Variants in ERICH6B observed in about 807,000 individuals in gnomAD.
ERICH6B encodes glutamate rich 6B.
ERICH6B carries 69 observed loss-of-function variants against 80.0 expected under a neutral mutation model. The ratio of observed to expected loss-of-function variants is 0.86; its 90% CI spans 0.71 to 1.05. The LOEUF is 1.05. ERICH6B is among the 50% of genes least tolerant of loss of function. The probability of loss-of-function intolerance (pLI) is 0.00; values close to 1 mark genes in which losing one functional copy is unlikely to be tolerated. For missense variants in ERICH6B, 754 were observed against 796.1 expected (o/e 0.95, Z 0.64); for synonymous variants, 283 against 291.9 (o/e 0.97, Z 0.31).
intron 8 of ERICH6B, among the ~76,000 whole-genome samples, chr13:45,572,453 C>T (rs1452178945): frequency 1.3e-5 from 2 of 152,188 alleles, no homozygotes; most frequent in Non-Finnish European, 2.9e-5. Context: ...GGCTAGATCT[C>T]CTACGCCATA....
intron 2 of ERICH6B, 56 bp from the exon 3 acceptor site, chr13:45,597,119 A>G (rs1256357124): frequency 8.4e-7 from 1 of 1,192,420 alleles, no homozygotes; most frequent in Non-Finnish European, 1.2e-6. Flanking sequence ...ATGCATATTG[A>G]TTTAATTCCA....
intron 9 of ERICH6B, among the ~76,000 whole-genome samples, chr13:45,566,721 C>T (rs551202222): frequency 5.9e-5 from 9 of 152,328 alleles, no homozygotes; most frequent in African/African-American, 1.2e-4. Context: ...GCTGTAGGGG[C>T]GGGGTCCTCA....
chr13:45,596,888 CA>C lies in ERICH6B; in HGVS notation c.117del (p.Asp39GlufsTer42). 2.6e-6 allele frequency: 4 copies of C among 1,551,852 alleles called. No individual in the cohort carries two copies. Among genetic ancestry groups the C allele is most frequent in the Non-Finnish European group, 3.5e-6 (4 of 1,147,020 alleles). ...SEKEDTEVELDEESLQDESPF... is the reference protein window; with the variant it reads ...SEKEDTEVELXEESLQDESPF... ...GGAGATTCATCCTGTAGACTTTCCTCATCTAGTTCTACTTCAGTATCCTCTT... is the reference window on the plus strand; with the variant it reads ...GGAGATTCATCCTGTAGACTTTCCTCTCTAGTTCTACTTCAGTATCCTCTT... On this transcript the variant is annotated frameshift_variant, in exon 3 of 15. Coordinates refer to ENST00000298738, the MANE Select transcript of ERICH6B (RefSeq NM_182542.3). LOFTEE classifies it high-confidence loss of function.
chr13:45,559,328 A>G (rs887969087), intron 11 of ERICH6B, among the ~76,000 whole-genome samples: 4 of 151,898 alleles, frequency 2.6e-5, no homozygotes, highest in East Asian at 1.9e-4. Context: ...GGGTCTATCA[A>G]TTTTATTTAT....
At chr13:45,608,925 AAGCTTGG>A (rs1487931143) in intron 1 of ERICH6B, among the ~76,000 whole-genome samples, 1 of 152,194 alleles carries the variant, frequency 6.6e-6, no homozygotes, top group Non-Finnish European at 1.5e-5. Flanking sequence ...TCAGATGAAG[AAGCTTGG>A]AGTCACCCAT....
At chr13:45,542,382 G>A (rs560627031) in intron 14 of ERICH6B, among the ~76,000 whole-genome samples, 6 of 152,334 alleles carry the variant, frequency 3.9e-5, no homozygotes, top group African/African-American at 7.2e-5. Flanking sequence ...GCATGGAGGC[G>A]CCTGTTCTTC....
chr13:45,553,533 A>G lies in ERICH6B; in HGVS notation c.1408-3217T>C, dbSNP rs149821772. On this transcript the variant is annotated intron_variant, in intron 11 of 14. Coordinates refer to ENST00000298738, the MANE Select transcript of ERICH6B (RefSeq NM_182542.3). ...AGCACTCCTCAAGGTGACAATGATC[A>G]TATAACCAACATACAGTGGCTGTTT... Among the ~76,000 whole-genome samples, 23 of 152,366 alleles carry G rather than the reference A, an allele frequency of 1.5e-4. No homozygotes were observed. The East Asian group carries it at 4.4e-3, about 29-fold the overall frequency.
intron 1 of ERICH6B, among the ~76,000 whole-genome samples, chr13:45,613,704 C>T (rs1219568841): frequency 6.6e-6 from 1 of 152,154 alleles, no homozygotes; most frequent in African/African-American, 2.4e-5. Context: ...GGCACAGATG[C>T]CTGGTTCCAC....
At chr13:45,542,659 C>A (rs1873829376) in intron 14 of ERICH6B, among the ~76,000 whole-genome samples, 1 of 152,214 alleles carries the variant, frequency 6.6e-6, no homozygotes, top group African/African-American at 2.4e-5. Flanking sequence ...GTGCCCCAGG[C>A]CCTCATGCTG....
At chr13:45,574,230 T>C (rs942892) in intron 8 of ERICH6B, among the ~76,000 whole-genome samples, 152,322 of 152,324 alleles carry the variant, frequency 1, 76,160 homozygotes, top group Non-Finnish European at 1. Context: ...AATAATGATG[T>C]TTCCCTCAGA....
chr13:45,596,240 G>C (rs770039318), intron 3 of ERICH6B, 129 bp downstream of exon 3: 46 of 1,205,998 alleles, frequency 3.8e-5, no homozygotes, highest in Non-Finnish European at 4.7e-5. Flanking sequence ...TGGTAAACTA[G>C]AGTTACCATC....
intron 13 of ERICH6B, among the ~76,000 whole-genome samples, chr13:45,546,271 A>G (rs1190406350): frequency 6.6e-6 from 1 of 152,110 alleles, no homozygotes; most frequent in Non-Finnish European, 1.5e-5. Flanking sequence ...CTGCTTTTCA[A>G]ATCCCAAAGG....
At chr13:45,561,640 C>T in intron 10 of ERICH6B, 114 bp from the exon 11 acceptor site, 5 of 1,154,410 alleles carry the variant, frequency 4.3e-6, no homozygotes, top group Non-Finnish European at 6.0e-6. Flanking sequence ...GGGAGATCTG[C>T]CATTTTTCCC....
At position 45,574,636 on chromosome 13, in the gene ERICH6B, A is replaced by G. The variant is rs116552801; in HGVS notation, c.1050+206T>C. On this transcript the variant is annotated intron_variant, in intron 8 of 14. Transcript: ENST00000298738. ...GTTGCCCCATCTACATAGAGGGAGT[A>G]GGCTTTCCTTGGGGCTTTTCTGTCT... 7.5e-3 allele frequency among the ~76,000 whole-genome samples: 1,140 copies of G among 152,284 alleles called. 14 individuals carry two copies. Among genetic ancestry groups the G allele is most frequent in the African/African-American group, 0.026 (1,062 of 41,532 alleles).
intron 11 of ERICH6B, among the ~76,000 whole-genome samples, chr13:45,557,200 G>A (rs1184970026): frequency 4.6e-5 from 7 of 152,084 alleles, no homozygotes; most frequent in African/African-American, 1.7e-4. Context: ...GTGATGTTGA[G>A]CATTTTTTCA....
chr13:45,546,208 G>C (rs1325181427), intron 13 of ERICH6B, among the ~76,000 whole-genome samples: 4 of 152,206 alleles, frequency 2.6e-5, no homozygotes, highest in Non-Finnish European at 4.4e-5. Context: ...CCTGCCCTCT[G>C]AGTCATCCTC....
chr13:45,550,547 A>G (rs1874180306), intron 11 of ERICH6B, among the ~76,000 whole-genome samples: 1 of 152,146 alleles, frequency 6.6e-6, no homozygotes, highest in African/African-American at 2.4e-5. Context: ...CACCCCAATG[A>G]TTATTGATTG....
chr13:45,562,927 C>T (rs537926944), intron 10 of ERICH6B, among the ~76,000 whole-genome samples: 1 of 152,204 alleles, frequency 6.6e-6, no homozygotes, highest in East Asian at 1.9e-4. Context: ...AGACAAGGCT[C>T]AGCGAGAAAA....
chr13:45,589,560 C>T (rs987628712), intron 4 of ERICH6B, among the ~76,000 whole-genome samples: 1 of 152,196 alleles, frequency 6.6e-6, no homozygotes, highest in South Asian at 2.1e-4. Flanking sequence ...CTCTTCCTCT[C>T]CCCATTTTAC....
Sources: allele counts gnomAD v4.1 joint callset (sites outside exome capture counted in the v4.1 genomes callset), GRCh38; gene constraint gnomAD v4.1.1; transcripts MANE v1.5; gene names NCBI Gene and HGNC (gene_info 2026-07-23, HGNC 2026-07-21).